PKN2: variants seen among roughly 807,000 people sequenced by gnomAD.
The protein encoded by PKN2 is protein kinase N2.
PKN2 carries 38 observed loss-of-function variants against 119.1 expected under a neutral mutation model. The ratio of observed to expected loss-of-function variants is 0.32; its 90% CI spans 0.25 to 0.42. The LOEUF (loss-of-function observed/expected upper bound fraction) is 0.42. Ranked by LOEUF, PKN2 falls within the 10% of genes least tolerant of loss-of-function variation. The probability of loss-of-function intolerance (pLI) is 1.00; values close to 1 mark genes in which losing one functional copy is unlikely to be tolerated. For synonymous variants in PKN2, 390 were observed against 384.9 expected, an observed-to-expected ratio of 1.01 and a Z score of -0.15; for missense variants, 850 against 1,165.1, an observed-to-expected ratio of 0.73 and a Z score of 3.94.
rs185511299 is a variant in PKN2, at chr1:88,759,196, G to C, written c.350-1026G>C. On this transcript the variant is annotated intron_variant, in intron 2 of 21. Coordinates refer to ENST00000370521, the MANE Select transcript of PKN2 (RefSeq NM_006256.4). ...TGACCAACATGGTGAAACTCCGCCT[G>C]TACTAAAAATACAAAAATTAGCCAG... 5.4e-4 allele frequency among the ~76,000 whole-genome samples: 82 copies of C among 152,300 alleles called. 1 individual carries two copies. Among genetic ancestry groups the C allele is most frequent in the Non-Finnish European group, 9.1e-4 (62 of 68,024 alleles).
At position 88,805,640 on chromosome 1, in the gene PKN2, G is replaced by A; in HGVS notation, c.1645G>A (p.Val549Ile). Reference sequence around the variant, plus strand: ...GCCTACTACAGTGCCAGTGGTTGATGTACGCATCCCTCAACTAGCACCTCC... The same window carrying A: ...GCCTACTACAGTGCCAGTGGTTGATATACGCATCCCTCAACTAGCACCTCC... Reference protein sequence around the residue: ...PVPTTVPVVDVRIPQLAPPAS... With the variant: ...PVPTTVPVVDIRIPQLAPPAS... Residue 549 changes from valine to isoleucine, a missense_variant, in exon 11 of 22, where the codon GTA (valine) becomes ATA (isoleucine). Coordinates refer to ENST00000370521, the MANE Select transcript of PKN2 (RefSeq NM_006256.4). 4 of 1,614,008 alleles carry A rather than the reference G, an allele frequency of 2.5e-6. No individual in the cohort carries two copies. The highest frequency in any genetic ancestry group is 1.7e-5 in the Admixed American group (1 of 59,988).
At chr1:88,753,835 G>A (rs1389528236) in intron 2 of PKN2, among the ~76,000 whole-genome samples, 1 of 152,094 alleles carries the variant, frequency 6.6e-6, no homozygotes, top group Non-Finnish European at 1.5e-5. Flanking sequence ...GGGGAACTTA[G>A]TTTGACATGA....
chr1:88,797,108 C>T (rs913730436), intron 8 of PKN2, among the ~76,000 whole-genome samples: 105 of 151,604 alleles, frequency 6.9e-4, no homozygotes, highest in African/African-American at 2.4e-3. Flanking sequence ...CTGAGGCGGG[C>T]GGATCACCTG....
intron 1 of PKN2, among the ~76,000 whole-genome samples, chr1:88,720,522 CCA>C (rs1028747140): frequency 6.6e-6 from 1 of 152,080 alleles, no homozygotes; most frequent in Non-Finnish European, 1.5e-5. Flanking sequence ...TAATACAGCC[CCA>C]TTGAGAAGTT....
Position 88,820,180 on chromosome 1 carries a change from C to CAATATATATATATATATA in PKN2, c.2280-1761_2280-1760insAATATATATATATATATA, listed in dbSNP as rs1491259052. Among the ~76,000 whole-genome samples, 5 of 70,728 alleles carry CAATATATATATATATATA rather than the reference C, an allele frequency of 7.1e-5. 2 individuals carry two copies. Among genetic ancestry groups the CAATATATATATATATATA allele is most frequent in the South Asian group, 1.0e-3 (2 of 1,914 alleles). The allele number at this position is 70,728 out of a possible 152,430, so 46.4% of individuals were successfully genotyped here. On this transcript the variant is annotated intron_variant, in intron 16 of 21. Coordinates refer to ENST00000370521, the MANE Select transcript of PKN2 (RefSeq NM_006256.4). The stretch of plus-strand genomic sequence containing the variant: ...AAATCAAACAAATCTTTTCAGAAAC[C>CAATATATATATATATATA]TATATATATATATATATATATATAT...
chr1:88,742,458 C>T (rs978336043), intron 2 of PKN2, among the ~76,000 whole-genome samples: 1 of 151,842 alleles, frequency 6.6e-6, no homozygotes, highest in South Asian at 2.1e-4. Context: ...TAAGAATAAT[C>T]GAAACTTTAA....
chr1:88,794,349 A>G (rs1288795029), intron 8 of PKN2, among the ~76,000 whole-genome samples: 1 of 151,270 alleles, frequency 6.6e-6, no homozygotes, highest in African/African-American at 2.5e-5. Flanking sequence ...CCTGGGCAAC[A>G]AGAGCGAAAT....
intron 8 of PKN2, among the ~76,000 whole-genome samples, chr1:88,795,125 T>C (rs1392899968): frequency 6.6e-6 from 1 of 152,252 alleles, no homozygotes; most frequent in Non-Finnish European, 1.5e-5. Flanking sequence ...CCTTTGCTTT[T>C]GTTTTATAGA....
At chr1:88,701,760 A>G (rs1666777638) in intron 1 of PKN2, among the ~76,000 whole-genome samples, 1 of 152,154 alleles carries the variant, frequency 6.6e-6, no homozygotes, top group Non-Finnish European at 1.5e-5. Flanking sequence ...AGAAGCATCT[A>G]TTTCATTTAT....
At chr1:88,743,156 C>T (rs1410797865) in intron 2 of PKN2, among the ~76,000 whole-genome samples, 1 of 152,160 alleles carries the variant, frequency 6.6e-6, no homozygotes, top group Non-Finnish European at 1.5e-5. Flanking sequence ...TGCCACTGCC[C>T]TCCAGCCTGG....
At chr1:88,800,143 T>C (rs1455981082) in intron 8 of PKN2, among the ~76,000 whole-genome samples, 1 of 152,194 alleles carries the variant, frequency 6.6e-6, no homozygotes, top group Non-Finnish European at 1.5e-5. Flanking sequence ...TCTCCACTTC[T>C]ATCAAAGTTT....
Position 88,760,303 on chromosome 1 carries a change from A to G in PKN2, c.431A>G (p.Gln144Arg), listed in dbSNP as rs1360363280. ...SNNRLKALQKQLDIELKVKQG... is the reference protein window; with the variant it reads ...SNNRLKALQKRLDIELKVKQG... ...AATAGATTGAAGGCCTTACAAAAAC[A>G]ATTGGATATAGAACTTAAAGTAAAA... Residue 144 changes from glutamine to arginine, a missense_variant, in exon 3 of 22, where the codon CAA becomes CGA. By Grantham distance (43) the Gln-to-Arg change is conservative. Transcript: ENST00000370521. 1.9e-6 allele frequency: 3 copies of G among 1,563,172 alleles called. No homozygotes were observed. The highest frequency in any genetic ancestry group is 2.6e-6 in the Non-Finnish European group (3 of 1,135,232).
rs765140927 is a variant in PKN2 at position 88,833,489 on chromosome 1, CCT to C, written c.*44_*45del. The C allele has an allele frequency of 5.3e-6, 8 of 1,522,604 alleles. No homozygotes were observed. Among genetic ancestry groups the C allele is most frequent in the Admixed American group, 3.4e-5 (2 of 58,310 alleles). 94.3% of individuals were successfully genotyped at this position (1,522,604 alleles called of 1,614,324 possible). The stretch of plus-strand genomic sequence containing the variant: ...GAAACCAAGCTGACTCACAAGAAGA[CCT>C]CTTAAAAATAGCAACCCTTCATTTG... On this transcript the variant is annotated 3_prime_UTR_variant, in exon 22 of 22. Transcript: ENST00000370521.
rs997128002 is a variant in PKN2, at chr1:88,822,061, A to G, written c.2342+58A>G. On this transcript the variant is annotated intron_variant, in intron 17 of 21. Coordinates refer to ENST00000370521, the MANE Select transcript of PKN2 (RefSeq NM_006256.4). ...GCTTTGGTATGATTTAGAATTAAAG[A>G]TAGTATTTTGTTTTTCTTAAACATT... 2.9e-6 allele frequency: 4 copies of G among 1,356,400 alleles called. No homozygotes were observed. In the South Asian group the frequency reaches 6.2e-5, roughly 21 times the overall value. 84.0% of individuals were successfully genotyped at this position (1,356,400 alleles called of 1,614,324 possible).
chr1:88,828,930 A>C (rs1303650169), intron 19 of PKN2: 6 of 626,106 alleles, frequency 9.6e-6, no homozygotes, highest in Non-Finnish European at 1.8e-5. Flanking sequence ...AAGACTAATA[A>C]AAGGAATGTA....
At chr1:88,711,404 T>A (rs1667231097) in intron 1 of PKN2, among the ~76,000 whole-genome samples, 1 of 152,186 alleles carries the variant, frequency 6.6e-6, no homozygotes, top group Admixed American at 6.6e-5. Context: ...TTTTGAAACA[T>A]GTTTCTATGT....
At chr1:88,764,071 T>C (rs554620281) in intron 3 of PKN2, among the ~76,000 whole-genome samples, 25 of 152,308 alleles carry the variant, frequency 1.6e-4, no homozygotes, top group African/African-American at 6.0e-4. Flanking sequence ...CTCCAATGGT[T>C]TTCCCTCATA....
chr1:88,701,925 G>C (rs1483971399), intron 1 of PKN2, among the ~76,000 whole-genome samples: 1 of 152,114 alleles, frequency 6.6e-6, no homozygotes, highest in Non-Finnish European at 1.5e-5. Flanking sequence ...AGTCATTGTA[G>C]GACTTTAGAG....
chr1:88,697,357 T>C (rs1666581462), intron 1 of PKN2, among the ~76,000 whole-genome samples: 1 of 152,198 alleles, frequency 6.6e-6, no homozygotes, highest in African/African-American at 2.4e-5. Context: ...ACCTGACTTC[T>C]CTAAATTTCC....
Sources: gnomAD v4.1 joint callset for allele counts (sites outside exome capture counted in the v4.1 genomes callset) on GRCh38, gnomAD v4.1.1 for gene constraint, MANE v1.5 for transcripts, NCBI Gene and HGNC (gene_info 2026-07-23, HGNC 2026-07-21) for gene names.